The following VPS13B variants were observed in gnomAD, a reference collection of about 807,000 sequenced individuals.
VPS13B encodes vacuolar protein sorting 13 homolog B, also known as intermembrane lipid transfer protein VPS13B.
Under a neutral mutation model 426.4 loss-of-function variants are expected in VPS13B, and 285 were observed. That is an observed-to-expected ratio of 0.67 (90% CI 0.61 to 0.74). The LOEUF is 0.74. VPS13B is among the 30% of genes least tolerant of loss of function. VPS13B has a pLI of 0.00. For missense variants in VPS13B, 4,537 were observed against 4,782.6 expected, an observed-to-expected ratio of 0.95 and a Z score of 1.51; for synonymous variants, 1,676 against 1,676.4, an observed-to-expected ratio of 1.00 and a Z score of 0.01.
At chr8:99,445,368 G>A (rs1817864297) in intron 23 of VPS13B, among the ~76,000 whole-genome samples, 1 of 150,036 alleles carries the variant, frequency 6.7e-6, no homozygotes, top group African/African-American at 2.4e-5. Context: ...GGGAGGTTGA[G>A]GTGGGAGGAT....
Position 99,507,844 on chromosome 8 carries a change from G to A in VPS13B, c.4224+641G>A, listed in dbSNP as rs1821581494. On this transcript the variant is annotated intron_variant, in intron 28 of 61. Transcript: ENST00000357162. ...TCCTGTACTGACAAGCTGAACAGAC[G>A]CACCTTGTTGGTTCGACCCATCAGC... The A allele has an allele frequency of 5.0e-6, 8 of 1,613,908 alleles. No homozygotes were observed. Among genetic ancestry groups the A allele is most frequent in the Middle Eastern group, 1.6e-4 (1 of 6,082 alleles).
intron 19 of VPS13B, among the ~76,000 whole-genome samples, chr8:99,321,667 T>C (rs1809993549): frequency 6.6e-6 from 1 of 152,236 alleles, no homozygotes; most frequent in African/African-American, 2.4e-5. Context: ...GATTTATTCA[T>C]TTCCAAGGCT....
At chr8:99,255,341 C>A (rs917430992) in intron 17 of VPS13B, among the ~76,000 whole-genome samples, 11 of 151,996 alleles carry the variant, frequency 7.2e-5, no homozygotes, top group Non-Finnish European at 2.9e-5. Flanking sequence ...GCTTTAAAAT[C>A]TTTCTGTGAT....
At chr8:99,609,530 A>G (rs1211351870) in intron 33 of VPS13B, among the ~76,000 whole-genome samples, 2 of 152,162 alleles carry the variant, frequency 1.3e-5, no homozygotes, top group South Asian at 2.1e-4. Flanking sequence ...GAGGAACTGT[A>G]GTTTTGTCAG....
At chr8:99,173,219 A>C (rs1812452500) in intron 16 of VPS13B, among the ~76,000 whole-genome samples, 1 of 152,096 alleles carries the variant, frequency 6.6e-6, no homozygotes. Flanking sequence ...TGTTAATTAG[A>C]AGTTACACGA....
At chr8:99,114,793 C>T (rs1847568107) in intron 6 of VPS13B, among the ~76,000 whole-genome samples, 1 of 152,146 alleles carries the variant, frequency 6.6e-6, no homozygotes, top group Admixed American at 6.6e-5. Context: ...ATTACCATTA[C>T]TATTACTTCA....
In VPS13B at chr8:99,086,279, G is replaced by A. The variant is rs796935470; in HGVS notation, c.292-10033G>A. ...CTACTGAGGCTTGTGCATTCATGAT[G>A]TAGTTCTTGTGCCTTGGTTTTCAGC... is the stretch of plus-strand genomic sequence containing the variant. On this transcript the variant is annotated intron_variant, in intron 3 of 61. Coordinates refer to ENST00000357162, the MANE Select transcript of VPS13B (RefSeq NM_152564.5). 5.3e-5 allele frequency among the ~76,000 whole-genome samples: 8 copies of A among 152,222 alleles called. 1 individual carries two copies. The highest frequency in any genetic ancestry group is 1.9e-4 in the African/African-American group (8 of 41,534).
At chr8:99,147,085 C>T (rs995878007) in intron 13 of VPS13B, among the ~76,000 whole-genome samples, 5 of 151,718 alleles carry the variant, frequency 3.3e-5, no homozygotes, top group African/African-American at 4.8e-5. Flanking sequence ...GAAGGGGGAA[C>T]AAGACTATAA....
At chr8:99,374,064 G>A (rs779870776) in intron 19 of VPS13B, among the ~76,000 whole-genome samples, 1 of 151,792 alleles carries the variant, frequency 6.6e-6, no homozygotes, top group Non-Finnish European at 1.5e-5. Context: ...AATCTAGGTT[G>A]AATTTTTTAA....
At chr8:99,103,200 C>T in intron 5 of VPS13B, 80 bp downstream of exon 5, 1 of 1,501,552 alleles carries the variant, frequency 6.7e-7, no homozygotes, top group East Asian at 2.3e-5. Flanking sequence ...TTTGGGCCAA[C>T]TGAGTTGCTG....
At chr8:99,599,923 C>T (rs915687275) in intron 33 of VPS13B, among the ~76,000 whole-genome samples, 2 of 152,116 alleles carry the variant, frequency 1.3e-5, no homozygotes, top group African/African-American at 4.8e-5. Flanking sequence ...AAAAAATACA[C>T]TGGGGAGATG....
chr8:99,334,744 G>T (rs554429529), intron 19 of VPS13B, among the ~76,000 whole-genome samples: 1 of 152,240 alleles, frequency 6.6e-6, no homozygotes, highest in African/African-American at 2.4e-5. Flanking sequence ...TTGATGTGCT[G>T]CTGGATTCGG....
chr8:99,380,420 G>C (rs376427946), intron 19 of VPS13B, among the ~76,000 whole-genome samples: 3 of 152,070 alleles, frequency 2.0e-5, no homozygotes, highest in African/African-American at 7.2e-5. Context: ...CAATCATCTT[G>C]TGTTTGCTTA....
intron 2 of VPS13B, among the ~76,000 whole-genome samples, chr8:99,028,791 G>A (rs1386594543): frequency 1.8e-4 from 22 of 125,334 alleles, no homozygotes; most frequent in African/African-American, 5.9e-4. Flanking sequence ...CAGTAGGGGC[G>A]GCCGGGCAGA....
chr8:99,141,622 A>G (rs945086981), intron 12 of VPS13B, among the ~76,000 whole-genome samples: 1 of 152,202 alleles, frequency 6.6e-6, no homozygotes, highest in Non-Finnish European at 1.5e-5. Context: ...CAAAATATGT[A>G]TAAGATTAAT....
chr8:99,092,790 C>A (rs924629120), intron 3 of VPS13B, among the ~76,000 whole-genome samples: 1 of 151,924 alleles, frequency 6.6e-6, no homozygotes, highest in Non-Finnish European at 1.5e-5. Context: ...AGTATATATT[C>A]CTATGAGTAC....
chr8:99,382,239 TAG>T (rs1306573011), intron 19 of VPS13B, among the ~76,000 whole-genome samples: 1 of 152,198 alleles, frequency 6.6e-6, no homozygotes, highest in African/African-American at 2.4e-5. Flanking sequence ...TCTTGTAGTA[TAG>T]ATTGAAATTG....
chr8:99,856,531 T>C (rs1333502943), intron 56 of VPS13B, among the ~76,000 whole-genome samples: 1 of 152,190 alleles, frequency 6.6e-6, no homozygotes, highest in Non-Finnish European at 1.5e-5. Flanking sequence ...TGGTATCAAC[T>C]TGAAGAGGTT....
intron 17 of VPS13B, among the ~76,000 whole-genome samples, chr8:99,197,711 G>A (rs778036762): frequency 6.6e-6 from 1 of 151,570 alleles, no homozygotes; most frequent in Non-Finnish European, 1.5e-5. Context: ...TCTATTGAAG[G>A]GTTTATCTTG....
Sources: gnomAD v4.1 joint callset for allele counts (sites outside exome capture counted in the v4.1 genomes callset) on GRCh38, gnomAD v4.1.1 for gene constraint, MANE v1.5 for transcripts, NCBI Gene and HGNC (gene_info 2026-07-23, HGNC 2026-07-21) for gene names.